Variants in GLRA2 observed in about 807,000 individuals in gnomAD.
GLRA2 encodes glycine receptor subunit alpha-2.
Under a neutral mutation model 31.6 loss-of-function variants are expected in GLRA2, and 11 were observed. The observed-to-expected ratio is 0.35, with a 90% CI of 0.22 to 0.58. The LOEUF (loss-of-function observed/expected upper bound fraction) is 0.58. Ranked by LOEUF, GLRA2 falls within the 20% of genes least tolerant of loss-of-function variation. The pLI, the probability that GLRA2 is intolerant of heterozygous loss-of-function variation, is 0.84. For synonymous variants in GLRA2, 132 were observed against 134.0 expected, an observed-to-expected ratio of 0.99 and a Z score of 0.10; for missense variants, 212 against 351.8, an observed-to-expected ratio of 0.60 and a Z score of 3.18.
At chrX:14,699,000 TTTGA>T (rs2078749018) in intron 8 of GLRA2, among the ~76,000 whole-genome samples, 1 of 111,773 alleles carries the variant, frequency 8.9e-6, no homozygotes, top group Admixed American at 9.5e-5. Context: ...GTGTATTTGC[TTTGA>T]TTATCTTTTC....
At chrX:14,633,332 C>CA (rs952573364) in intron 7 of GLRA2, among the ~76,000 whole-genome samples, 3 of 111,280 alleles carry the variant, frequency 2.7e-5, no homozygotes, top group Non-Finnish European at 3.8e-5. Flanking sequence ...CCTGACTCCA[C>CA]AAAAAATAAA....
At chrX:14,594,768 T>C (rs1318383913) in intron 4 of GLRA2, among the ~76,000 whole-genome samples, 1 of 111,330 alleles carries the variant, frequency 9.0e-6, no homozygotes, top group Non-Finnish European at 1.9e-5. Flanking sequence ...ATTTTTGTCC[T>C]TCCCAGCTAC....
chrX:14,471,492 CAT>C, the GLRA2 span, among the ~76,000 whole-genome samples: 1 of 112,016 alleles, frequency 8.9e-6, no homozygotes, highest in Non-Finnish European at 1.9e-5. Flanking sequence ...ATATGGGAAA[CAT>C]AAACCAGCAA....
intron 3 of GLRA2, among the ~76,000 whole-genome samples, chrX:14,575,518 G>C (rs1218443934): frequency 9.0e-6 from 1 of 110,626 alleles, no homozygotes. Flanking sequence ...GCCCAGGTTG[G>C]AGTGCAGATC....
chrX:14,695,440 C>G (rs2091432067), intron 8 of GLRA2, among the ~76,000 whole-genome samples: 1 of 111,989 alleles, frequency 8.9e-6, no homozygotes, highest in Admixed American at 9.5e-5. Context: ...GAACAAATGT[C>G]TTAAGAAGGT....
intron 4 of GLRA2, among the ~76,000 whole-genome samples, chrX:14,592,246 C>T (rs2090152964): frequency 9.0e-6 from 1 of 111,708 alleles, no homozygotes; most frequent in African/African-American, 3.3e-5. Flanking sequence ...TTTCAAGGTG[C>T]CTGTCTTAAA....
At chrX:14,541,679 A>G (rs1482700329) in intron 2 of GLRA2, among the ~76,000 whole-genome samples, 2 of 111,595 alleles carry the variant, frequency 1.8e-5, no homozygotes, top group East Asian at 5.6e-4. Context: ...CCGTTTATTT[A>G]TATTTGAATC....
At chrX:14,551,412 G>T (rs896978553) in intron 2 of GLRA2, among the ~76,000 whole-genome samples, 1 of 111,223 alleles carries the variant, frequency 9.0e-6, no homozygotes, top group Non-Finnish European at 1.9e-5. Flanking sequence ...GAGCAAAGAT[G>T]ATTTCTCTCC....
intron 8 of GLRA2, among the ~76,000 whole-genome samples, chrX:14,710,333 G>GCTAT (rs1488784876): frequency 8.9e-6 from 1 of 111,865 alleles, no homozygotes; most frequent in East Asian, 2.8e-4. Context: ...GAAAGCAGTG[G>GCTAT]CTATCTGGAA....
At chrX:14,486,450 C>T in the GLRA2 span, among the ~76,000 whole-genome samples, 42 of 110,973 alleles carry the variant, frequency 3.8e-4, no homozygotes, top group Non-Finnish European at 7.6e-4. Context: ...AGAGACAAGC[C>T]ACAAATAGGG....
the GLRA2 span, among the ~76,000 whole-genome samples, chrX:14,514,431 GAGAA>G: frequency 8.1e-5 from 9 of 110,865 alleles, no homozygotes; most frequent in Middle Eastern, 4.8e-3. Flanking sequence ...AAAAAGAAAA[GAGAA>G]AGAAACATTA....
At chrX:14,466,432 A>G in the GLRA2 span, among the ~76,000 whole-genome samples, 1 of 111,573 alleles carries the variant, frequency 9.0e-6, no homozygotes, top group Non-Finnish European at 1.9e-5. Flanking sequence ...CATTTTTCCT[A>G]ATTCTATAAA....
intron 4 of GLRA2, among the ~76,000 whole-genome samples, chrX:14,596,215 T>C (rs905487552): frequency 8.9e-6 from 1 of 111,847 alleles, no homozygotes; most frequent in Admixed American, 9.5e-5. Flanking sequence ...TAATCTGATA[T>C]GCTGCCATCG....
intron 7 of GLRA2, among the ~76,000 whole-genome samples, chrX:14,652,012 A>G (rs2090895117): frequency 9.0e-6 from 1 of 111,244 alleles, no homozygotes; most frequent in Admixed American, 9.6e-5. Context: ...CTCCCTCCCC[A>G]TATGAGCACA....
At chrX:14,460,197 C>T in the GLRA2 span, among the ~76,000 whole-genome samples, 7 of 111,559 alleles carry the variant, frequency 6.3e-5, no homozygotes, top group Non-Finnish European at 1.3e-4. Context: ...TATGTTGTAC[C>T]AGCCTTGTAT....
chrX:14,470,122 A>G, the GLRA2 span, among the ~76,000 whole-genome samples: 2 of 111,782 alleles, frequency 1.8e-5, no homozygotes, highest in African/African-American at 3.2e-5. Flanking sequence ...TCTTCCATTT[A>G]GCAGGTTTCA....
intron 2 of GLRA2, among the ~76,000 whole-genome samples, chrX:14,551,912 G>A (rs1472813869): frequency 8.9e-6 from 1 of 111,969 alleles, no homozygotes; most frequent in Non-Finnish European, 1.9e-5. Flanking sequence ...TGCTTGCTGG[G>A]ATGATGTTCC....
intron 7 of GLRA2, among the ~76,000 whole-genome samples, chrX:14,670,501 G>T (rs917143650): frequency 8.9e-6 from 1 of 111,970 alleles, no homozygotes; most frequent in Non-Finnish European, 1.9e-5. Flanking sequence ...ATAGTCCCAC[G>T]TGGCTGGGGA....
At chrX:14,482,745 T>TCAC in the GLRA2 span, among the ~76,000 whole-genome samples, 11 of 110,557 alleles carry the variant, frequency 9.9e-5, no homozygotes, top group South Asian at 7.8e-4. Flanking sequence ...ATCATAATTG[T>TCAC]CACCACCACC....
Sources: gnomAD v4.1 joint callset for allele counts (sites outside exome capture counted in the v4.1 genomes callset) on GRCh38, gnomAD v4.1.1 for gene constraint, MANE v1.5 for transcripts, NCBI Gene and HGNC (gene_info 2026-07-23, HGNC 2026-07-21) for gene names.